Variants in TMEM232 observed in about 807,000 individuals in gnomAD.
TMEM232 encodes transmembrane protein 232.
TMEM232 carries 80 observed loss-of-function variants against 78.8 expected under a neutral mutation model. That is an observed-to-expected ratio of 1.01 (90% CI 0.85 to 1.22). The LOEUF (loss-of-function observed/expected upper bound fraction) is 1.22. Ranked by LOEUF, TMEM232 falls within the 50% of genes most tolerant of loss-of-function variation. The probability of loss-of-function intolerance (pLI) is 0.00; values close to 1 mark genes in which losing one functional copy is unlikely to be tolerated. For synonymous variants in TMEM232, 297 were observed against 254.3 expected (o/e 1.17, Z -1.60); for missense variants, 881 against 742.2 (o/e 1.19, Z -2.17).
chr5:110,579,741 C>T (rs1241616548), intron 10 of TMEM232, among the ~76,000 whole-genome samples: 2 of 151,560 alleles, frequency 1.3e-5, no homozygotes, highest in Non-Finnish European at 1.5e-5. Flanking sequence ...TACACACACA[C>T]ACAAAAGAAG....
intron 1 of TMEM232, among the ~76,000 whole-genome samples, chr5:110,736,449 A>G (rs1799177185): frequency 6.6e-6 from 1 of 152,200 alleles, no homozygotes; most frequent in African/African-American, 2.4e-5. Flanking sequence ...CAGACATAAT[A>G]CTATCATTTT....
chr5:110,434,179 T>C (rs1414394527), intron 12 of TMEM232, among the ~76,000 whole-genome samples: 2 of 146,548 alleles, frequency 1.4e-5, no homozygotes, highest in Non-Finnish European at 3.0e-5. Context: ...AAAAAAAAAC[T>C]TGGTTCTTTG....
chr5:110,541,154 A>C (rs529879848), intron 11 of TMEM232, among the ~76,000 whole-genome samples: 1 of 152,140 alleles, frequency 6.6e-6, no homozygotes, highest in African/African-American at 2.4e-5. Flanking sequence ...CTCTTTCCAT[A>C]TAGGGAGAGA....
intron 2 of TMEM232, among the ~76,000 whole-genome samples, chr5:110,733,575 C>T (rs186314935): frequency 2.0e-5 from 3 of 152,132 alleles, no homozygotes; most frequent in African/African-American, 4.8e-5. Flanking sequence ...AGCAAACTAA[C>T]GCAGGAACAG....
At chr5:110,498,726 T>G (rs868561433) in intron 12 of TMEM232, among the ~76,000 whole-genome samples, 1 of 152,102 alleles carries the variant, frequency 6.6e-6, no homozygotes, top group Non-Finnish European at 1.5e-5. Context: ...TTGCTTTAGG[T>G]GTCAGAGAAG....
chr5:110,723,552 ATCT>A (rs1797864377), intron 1 of TMEM232, among the ~76,000 whole-genome samples: 3 of 152,268 alleles, frequency 2.0e-5, no homozygotes, highest in African/African-American at 7.2e-5. Context: ...AAATCTCAAA[ATCT>A]GTATAGACTG....
intron 4 of TMEM232, among the ~76,000 whole-genome samples, chr5:110,389,828 G>C (rs915921209): frequency 1.3e-5 from 2 of 152,148 alleles, no homozygotes; most frequent in African/African-American, 4.8e-5. Flanking sequence ...TCAGAGCTCA[G>C]ATTCATTCGT....
Position 110,420,283 on chromosome 5 carries a change from G to T in TMEM232, c.*297C>A, listed in dbSNP as rs1041107235. 1.5e-5 allele frequency: 3 copies of T among 204,918 alleles called. No individual in the cohort carries two copies. The highest frequency in any genetic ancestry group is 2.9e-5 in the Non-Finnish European group (3 of 103,970). 12.7% of individuals were successfully genotyped at this position (204,918 alleles called of 1,614,324 possible). On this transcript the variant is annotated 3_prime_UTR_variant, in exon 14 of 14. Transcript: ENST00000455884. ...CAATGTTCTGAGAATCAGTTATCAA[G>T]TATGCTGTACAATCATGAGATAAAG...
At chr5:110,699,999 T>C (rs1184647623) in intron 1 of TMEM232, among the ~76,000 whole-genome samples, 2 of 152,044 alleles carry the variant, frequency 1.3e-5, no homozygotes, top group African/African-American at 4.8e-5. Flanking sequence ...TAACAATTAA[T>C]TTATATGCTG....
At chr5:110,485,533 C>A (rs1244126306) in intron 12 of TMEM232, among the ~76,000 whole-genome samples, 1 of 152,152 alleles carries the variant, frequency 6.6e-6, no homozygotes, top group Admixed American at 6.6e-5. Flanking sequence ...AGCTTAGCTC[C>A]CACATATCAG....
chr5:110,402,355 G>A lies in TMEM232; in HGVS notation n.309-4501C>T, dbSNP rs572128206. 2.0e-5 allele frequency among the ~76,000 whole-genome samples: 3 copies of A among 152,128 alleles called. No homozygotes were observed. The East Asian group carries it at 5.8e-4, about 29-fold the overall frequency. ...TACAAAGTATTGACTTATAGAAATG[G>A]CTCTTTCAGGACTTCAATCAAAATA... On this transcript the variant is annotated intron_variant and non_coding_transcript_variant, in intron 2 of 8. Coordinates refer to the TMEM232 transcript ENST00000507188.
At chr5:110,589,282 G>A (rs1458379628) in intron 10 of TMEM232, among the ~76,000 whole-genome samples, 1 of 152,126 alleles carries the variant, frequency 6.6e-6, no homozygotes, top group Non-Finnish European at 1.5e-5. Context: ...CATGGGAAGT[G>A]TTTTAATGAC....
chr5:110,552,283 A>C lies in TMEM232; in HGVS notation c.1455+16164T>G, dbSNP rs139356288. Among the ~76,000 whole-genome samples, 174 of 152,228 alleles carry C rather than the reference A, an allele frequency of 1.1e-3. 4 individuals carry two copies. The East Asian group carries it at 0.026, about 23-fold the overall frequency. On this transcript the variant is annotated intron_variant, in intron 11 of 13. Transcript: ENST00000455884. ...ATATATTTAGAGTAACGTATTACTAACTAATAGAGGAAAAAATACAATGAT... is the reference window on the plus strand; with the variant it reads ...ATATATTTAGAGTAACGTATTACTACCTAATAGAGGAAAAAATACAATGAT...
intron 2 of TMEM232, among the ~76,000 whole-genome samples, chr5:110,652,842 A>T (rs1402722387): frequency 6.6e-6 from 1 of 152,242 alleles, no homozygotes; most frequent in Non-Finnish European, 1.5e-5. Flanking sequence ...AAAGGATTTC[A>T]CAAAGATAAT....
At chr5:110,704,530 T>C (rs1795736893) in intron 1 of TMEM232, among the ~76,000 whole-genome samples, 1 of 152,112 alleles carries the variant, frequency 6.6e-6, no homozygotes. Flanking sequence ...ATTTTTGTTA[T>C]GATGACTGAA....
chr5:110,523,194 A>G (rs1347472113), intron 12 of TMEM232, among the ~76,000 whole-genome samples: 2 of 152,120 alleles, frequency 1.3e-5, no homozygotes, highest in Non-Finnish European at 2.9e-5. Flanking sequence ...ATTGGCATGT[A>G]ATTGTTCATA....
intron 11 of TMEM232, among the ~76,000 whole-genome samples, chr5:110,538,912 G>A (rs1348003125): frequency 6.6e-6 from 1 of 152,088 alleles, no homozygotes; most frequent in Non-Finnish European, 1.5e-5. Context: ...TGGAAGGAAA[G>A]CCGCAAACAA....
At chr5:110,422,895 CA>C (rs918408522) in intron 13 of TMEM232, among the ~76,000 whole-genome samples, 9 of 151,752 alleles carry the variant, frequency 5.9e-5, no homozygotes, top group Admixed American at 2.0e-4. Context: ...TAGAAGGAAG[CA>C]AAAAAATAGA....
In TMEM232 at chr5:110,642,369, G is replaced by A; in HGVS notation, c.128C>T (p.Pro43Leu). 4 of 1,497,452 alleles carry A rather than the reference G, an allele frequency of 2.7e-6. No individual in the cohort carries two copies. Among genetic ancestry groups the A allele is most frequent in the South Asian group, 1.3e-5 (1 of 75,098 alleles). 92.8% of individuals were successfully genotyped at this position (1,497,452 alleles called of 1,614,324 possible). Residue 43 changes from proline (P) to leucine (L), a missense_variant and splice_region_variant, in exon 3 of 14, where the codon CCA becomes CTA. Transcript: ENST00000455884. ...LSGERGHKSR[P>L]TFSITKEFIL... ...GAATTCTTTTGTGATTGAAAATGTT[G>A]GCCTAAATAAAACATTGAAAAATTA...
Sources: allele counts gnomAD v4.1 joint callset (sites outside exome capture counted in the v4.1 genomes callset), GRCh38; gene constraint gnomAD v4.1.1; transcripts MANE v1.5; gene names NCBI Gene and HGNC (gene_info 2026-07-23, HGNC 2026-07-21).